Variants in NFIA observed in about 807,000 individuals in gnomAD.
The protein encoded by NFIA is nuclear factor I A.
Under a neutral mutation model 62.8 loss-of-function variants are expected in NFIA, and 8 were observed. That is an observed-to-expected ratio of 0.13 (90% CI 0.07 to 0.23). The LOEUF is 0.23. Among genes scored for constraint, NFIA ranks in the 10% least tolerant of loss-of-function variants. NFIA has a pLI of 1.00. For synonymous variants in NFIA, 235 were observed against 238.1 expected, an observed-to-expected ratio of 0.99 and a Z score of 0.12; for missense variants, 410 against 642.1, an observed-to-expected ratio of 0.64 and a Z score of 3.91.
intron 3 of NFIA, among the ~76,000 whole-genome samples, chr1:61,294,517 G>T (rs1049948178): frequency 5.3e-5 from 8 of 152,194 alleles, no homozygotes; most frequent in African/African-American, 1.7e-4. Flanking sequence ...AGTTGTAAAG[G>T]TTATTGGAAA....
At chr1:61,106,144 A>G (rs925278397) in intron 2 of NFIA, among the ~76,000 whole-genome samples, 3 of 129,664 alleles carry the variant, frequency 2.3e-5, no homozygotes, top group Non-Finnish European at 4.8e-5. Context: ...TATCTTACTG[A>G]TTTATTCATA....
At chr1:61,198,279 A>T (rs1015204965) in intron 2 of NFIA, among the ~76,000 whole-genome samples, 1 of 152,226 alleles carries the variant, frequency 6.6e-6, no homozygotes, top group African/African-American at 2.4e-5. Context: ...TACAATCTTG[A>T]TAGAGTTCTT....
intron 3 of NFIA, among the ~76,000 whole-genome samples, chr1:61,288,092 T>C (rs1658623362): frequency 6.6e-6 from 1 of 152,230 alleles, no homozygotes; most frequent in African/African-American, 2.4e-5. Flanking sequence ...TGAGAGCCAC[T>C]CAGCCCATGC....
chr1:61,384,844 C>T (rs1409036714), intron 7 of NFIA, among the ~76,000 whole-genome samples: 6 of 152,162 alleles, frequency 3.9e-5, no homozygotes, highest in African/African-American at 1.4e-4. Context: ...CAAGGATTTA[C>T]TGAGTGCCTC....
At chr1:61,138,516 C>T (rs192287086) in intron 2 of NFIA, among the ~76,000 whole-genome samples, 3 of 152,184 alleles carry the variant, frequency 2.0e-5, no homozygotes, top group African/African-American at 7.2e-5. Flanking sequence ...GTGGTAAATC[C>T]TGGTTTCTCA....
At chr1:61,441,872 A>G (rs1327491880) in intron 10 of NFIA, among the ~76,000 whole-genome samples, 5 of 151,810 alleles carry the variant, frequency 3.3e-5, no homozygotes, top group African/African-American at 1.2e-4. Context: ...AGATGTACCA[A>G]ACTCCCTTCA....
intron 3 of NFIA, among the ~76,000 whole-genome samples, chr1:61,288,945 T>C (rs1343071623): frequency 6.6e-6 from 1 of 152,156 alleles, no homozygotes; most frequent in Admixed American, 6.6e-5. Flanking sequence ...TTTACTGTAT[T>C]TTTAGTAGAG....
At position 61,313,431 on chromosome 1, in the gene NFIA, G is replaced by A. The variant is rs570306258; in HGVS notation, c.626-19081G>A. ...CGGGAGCAAGAAAGAGAAGGGGTTG[G>A]GGAGGTGACACACACTTTACAACCA... On this transcript the variant is annotated intron_variant, in intron 3 of 10. Transcript: ENST00000403491. Among the ~76,000 whole-genome samples the A allele has an allele frequency of 2.6e-5, 4 of 152,160 alleles. No individual in the cohort carries two copies. In the South Asian group the frequency reaches 8.3e-4, roughly 32 times the overall value.
At chr1:61,289,902 G>C (rs895622737) in intron 3 of NFIA, among the ~76,000 whole-genome samples, 1 of 152,072 alleles carries the variant, frequency 6.6e-6, no homozygotes, top group African/African-American at 2.4e-5. Flanking sequence ...CTGAGCACTT[G>C]CAACAATCCA....
chr1:61,432,896 C>A (rs756360265), intron 10 of NFIA, among the ~76,000 whole-genome samples: 9 of 152,198 alleles, frequency 5.9e-5, no homozygotes, highest in African/African-American at 2.2e-4. Context: ...TGCCTACACT[C>A]GCTGCAGTAC....
At chr1:61,095,977 T>A (rs543000753) in intron 2 of NFIA, among the ~76,000 whole-genome samples, 2 of 152,184 alleles carry the variant, frequency 1.3e-5, no homozygotes, top group East Asian at 3.9e-4. Flanking sequence ...GAGAAATATA[T>A]ATCTATTTCT....
chr1:61,078,508 C>T (rs185794568), upstream of NFIA, among the ~76,000 whole-genome samples: 1 of 152,220 alleles, frequency 6.6e-6, no homozygotes, highest in East Asian at 1.9e-4. Context: ...TAATATATTG[C>T]GTATTCAGCA....
chr1:61,199,005 ACT>A (rs1652227629), intron 2 of NFIA, among the ~76,000 whole-genome samples: 1 of 151,586 alleles, frequency 6.6e-6, no homozygotes. Flanking sequence ...AAAAATCATC[ACT>A]CTCCAATTCT....
At chr1:61,164,687 C>T (rs1649450441) in intron 2 of NFIA, among the ~76,000 whole-genome samples, 1 of 152,080 alleles carries the variant, frequency 6.6e-6, no homozygotes, top group Non-Finnish European at 1.5e-5. Context: ...GTCTCAATCT[C>T]CTGACCTCAT....
At chr1:61,302,215 T>C (rs1275012899) in intron 3 of NFIA, among the ~76,000 whole-genome samples, 3 of 152,188 alleles carry the variant, frequency 2.0e-5, no homozygotes, top group Non-Finnish European at 4.4e-5. Context: ...ATGGGTACTC[T>C]ACAAAAGTCT....
intron 2 of NFIA, chr1:61,124,683 G>A (rs939377189): frequency 3.9e-5 from 6 of 152,164 alleles, no homozygotes; most frequent in South Asian, 2.1e-4. Flanking sequence ...AAGAAGAAAC[G>A]ATTACCTTTA....
At chr1:61,335,383 A>G (rs569551857) in intron 4 of NFIA, among the ~76,000 whole-genome samples, 8 of 152,292 alleles carry the variant, frequency 5.3e-5, no homozygotes, top group African/African-American at 1.9e-4. Context: ...TGAAAGGCTT[A>G]ACACTCAAGC....
chr1:61,082,374 C>T (rs1360140458), upstream of NFIA: 8 of 578,402 alleles, frequency 1.4e-5, no homozygotes, highest in African/African-American at 2.1e-5. Flanking sequence ...CACACCCCCT[C>T]CCCCCCGCGG....
At chr1:61,260,145 C>T (rs1656667112) in intron 2 of NFIA, among the ~76,000 whole-genome samples, 1 of 152,244 alleles carries the variant, frequency 6.6e-6, no homozygotes, top group South Asian at 2.1e-4. Flanking sequence ...ACGTCTTTCA[C>T]AGAAAAGCTG....
Sources: gnomAD v4.1 joint callset for allele counts (sites outside exome capture counted in the v4.1 genomes callset) on GRCh38, gnomAD v4.1.1 for gene constraint, MANE v1.5 for transcripts, NCBI Gene and HGNC (gene_info 2026-07-23, HGNC 2026-07-21) for gene names.